The following LAMC2 variants were observed in gnomAD, a reference collection of about 807,000 sequenced individuals.
LAMC2 encodes laminin subunit gamma-2.
Under a neutral mutation model 140.2 loss-of-function variants are expected in LAMC2, and 97 were observed. The observed-to-expected ratio is 0.69, with a 90% CI of 0.59 to 0.82. The LOEUF (loss-of-function observed/expected upper bound fraction) is 0.82, where lower values mean the gene tolerates loss of function less well. Ranked by LOEUF, LAMC2 falls within the 40% of genes least tolerant of loss-of-function variation. LAMC2 has a pLI of 0.00. For missense variants in LAMC2, 1,402 were observed against 1,476.1 expected, an observed-to-expected ratio of 0.95 and a Z score of 0.82; for synonymous variants, 513 against 540.2, an observed-to-expected ratio of 0.95 and a Z score of 0.70.
chr1:183,238,357 A>G lies in LAMC2; in HGVS notation c.2805A>G (p.Gln935=), dbSNP rs1486963779. ...SRANLAKSRA[Q]EALSMGNATF... The stretch of plus-strand genomic sequence containing the variant: ...CCAATCTTGCTAAAAGCAGAGCACA[A>G]GAAGCACTGAGTATGGGCAATGCCA... Residue 935 remains glutamine, a synonymous_variant, in exon 19 of 23, where the codon CAA becomes CAG. Transcript: ENST00000264144. 38 of 1,614,170 alleles carry G rather than the reference A, an allele frequency of 2.4e-5. No individual in the cohort carries two copies. The highest frequency in any genetic ancestry group is 3.2e-5 in the Non-Finnish European group (38 of 1,180,000).
intron 7 of LAMC2, 106 bp from the exon 8 acceptor site, chr1:183,225,502 G>A (rs774018076): frequency 2.1e-4 from 167 of 813,732 alleles, no homozygotes; most frequent in Non-Finnish European, 3.3e-4. Flanking sequence ...TTCTAAGCAG[G>A]ACTGGGAAGG....
At position 183,232,426 on chromosome 1, in the gene LAMC2, A is replaced by G. The variant is rs146115840; in HGVS notation, c.2014+83A>G. On this transcript the variant is annotated intron_variant, in intron 13 of 22. Transcript: ENST00000264144. The stretch of plus-strand genomic sequence containing the variant: ...GCTACGTTAGGTCATAGAATCTTCT[A>G]TGGATATCAGTTCAGCAGTTATCTC... 814 of 1,482,528 alleles carry G rather than the reference A, an allele frequency of 5.5e-4. 6 individuals are homozygous for G. In the African/African-American group the frequency reaches 1.0e-2, roughly 18 times the overall value. 91.8% of individuals were successfully genotyped at this position (1,482,528 alleles called of 1,614,324 possible).
rs757829009 is a variant in LAMC2, at chr1:183,240,048, G to T, written c.3078G>T (p.Gly1026=). Residue 1026 remains glycine, a synonymous_variant, in exon 21 of 23, where the codon GGG becomes GGT. Coordinates refer to ENST00000264144, the MANE Select transcript of LAMC2 (RefSeq NM_005562.3). ...TCCTTTTCTTCTCTCAGGAGATTGG[G>T]AGTCTGAACTTGGAAGCCAATGTGA... ...EISSEIEQEI[G]SLNLEANVTA... The T allele has an allele frequency of 5.0e-5, 81 of 1,614,034 alleles. No homozygotes were observed. Among genetic ancestry groups the T allele is most frequent in the Non-Finnish European group, 6.4e-5 (76 of 1,180,030 alleles).
chr1:183,237,606 CG>C, intron 18 of LAMC2, 102 bp downstream of exon 18: 2 of 1,176,166 alleles, frequency 1.7e-6, no homozygotes, highest in Non-Finnish European at 2.5e-6. Context: ...TGACCAGGCA[CG>C]GTGACTTATC....
chr1:183,198,287 G>A (rs926526459), intron 1 of LAMC2, among the ~76,000 whole-genome samples: 39 of 151,920 alleles, frequency 2.6e-4, no homozygotes, highest in African/African-American at 8.9e-4. Flanking sequence ...AACTACAGGT[G>A]CCTGCCACCA....
chr1:183,229,045 C>T (rs1031728386), intron 11 of LAMC2, among the ~76,000 whole-genome samples: 1 of 152,148 alleles, frequency 6.6e-6, no homozygotes, highest in Non-Finnish European at 1.5e-5. Flanking sequence ...TTAAGAGACT[C>T]TCTCAGGAAG....
At chr1:183,220,303 C>T (rs573441227) in intron 4 of LAMC2, among the ~76,000 whole-genome samples, 1 of 152,040 alleles carries the variant, frequency 6.6e-6, no homozygotes, top group African/African-American at 2.4e-5. Flanking sequence ...CCTCACCTGC[C>T]CTTTTCCCCA....
At chr1:183,245,390 C>G (rs1660220687), downstream of LAMC2, among the ~76,000 whole-genome samples, 1 of 152,200 alleles carries the variant, frequency 6.6e-6, no homozygotes, top group Non-Finnish European at 1.5e-5. Flanking sequence ...GTAATCCTGT[C>G]TTGGCATACC....
chr1:183,232,384 T>G (rs755601000), intron 13 of LAMC2, 41 bp downstream of exon 13: 3 of 1,608,202 alleles, frequency 1.9e-6, no homozygotes, highest in Non-Finnish European at 8.5e-7. Context: ...AGAGAATTCA[T>G]AGTCCTAGAA....
intron 1 of LAMC2, among the ~76,000 whole-genome samples, chr1:183,191,772 C>G (rs1206845240): frequency 6.6e-6 from 1 of 151,894 alleles, no homozygotes; most frequent in Non-Finnish European, 1.5e-5. Flanking sequence ...GGCAGGGGGA[C>G]TGCTTGAACC....
Position 183,231,081 on chromosome 1 carries a change from G to T in LAMC2, c.1835G>T (p.Cys612Phe), listed in dbSNP as rs911481320. Residue 612 changes from cysteine to phenylalanine, a missense_variant, in exon 12 of 23, where the codon TGC (cysteine) becomes TTC (phenylalanine). Physicochemically the swap from Cys to Phe is radical, Grantham distance 205. Transcript: ENST00000264144. ...CATGGAGCATTCAGCTGTCCAGCTTGCTATAATCAAGTGAAGATTCAGGTA... is the reference window on the plus strand; with the variant it reads ...CATGGAGCATTCAGCTGTCCAGCTTTCTATAATCAAGTGAAGATTCAGGTA... ...CEHGAFSCPA[C>F]YNQVKIQMDQ... 6.2e-7 allele frequency: 1 copy of T among 1,614,020 alleles called. No homozygotes were observed. Among genetic ancestry groups the T allele is most frequent in the African/African-American group, 1.3e-5 (1 of 74,892 alleles).
intron 17 of LAMC2, 65 bp from the exon 18 acceptor site, chr1:183,237,287 C>G: frequency 6.3e-7 from 1 of 1,577,064 alleles, no homozygotes. Flanking sequence ...GTGCCAGGTC[C>G]TAACAAGGCT....
chr1:183,204,537 T>C (rs1373403559), intron 1 of LAMC2, among the ~76,000 whole-genome samples: 2 of 149,572 alleles, frequency 1.3e-5, no homozygotes, highest in Non-Finnish European at 1.5e-5. Context: ...GAGGCTGAGG[T>C]TGGAGAATCG....
At chr1:183,219,556 T>A (rs1483608127) in intron 4 of LAMC2, among the ~76,000 whole-genome samples, 2 of 152,166 alleles carry the variant, frequency 1.3e-5, no homozygotes, top group Non-Finnish European at 2.9e-5. Context: ...CCCAGTGTGT[T>A]CCTAAACACA....
At chr1:183,229,658 C>CAG (rs201214169) in intron 11 of LAMC2, among the ~76,000 whole-genome samples, 5,652 of 148,798 alleles carry the variant, frequency 0.038, 135 homozygotes, top group South Asian at 0.11. Context: ...AAAAAAAGTC[C>CAG]AGAGCCACTC....
chr1:183,188,656 G>A (rs1264690567), intron 1 of LAMC2, among the ~76,000 whole-genome samples: 1 of 152,208 alleles, frequency 6.6e-6, no homozygotes, highest in Non-Finnish European at 1.5e-5. Flanking sequence ...AAAATGCCTG[G>A]AACCACATTT....
At chr1:183,188,939 A>G (rs952755321) in intron 1 of LAMC2, among the ~76,000 whole-genome samples, 1 of 152,246 alleles carries the variant, frequency 6.6e-6, no homozygotes, top group Admixed American at 6.5e-5. Context: ...TAGGCAAAGA[A>G]GAGCTGTGAA....
Position 183,234,405 on chromosome 1 carries a change from C to T in LAMC2, c.2259C>T (p.Gly753=), listed in dbSNP as rs2102242931. 9.9e-6 allele frequency: 16 copies of T among 1,614,148 alleles called. No homozygotes were observed. The highest frequency in any genetic ancestry group is 1.4e-5 in the Non-Finnish European group (16 of 1,180,008). The change falls in exon 15 of 23, where the codon GGC becomes GGT. Residue 753 remains glycine, a synonymous_variant. Coordinates refer to ENST00000264144, the MANE Select transcript of LAMC2 (RefSeq NM_005562.3). ...CAGACCACTACGTGGGGCCAAATGG[C>T]TTTAAAAGTCTGGCTCAGGAGGCCA... ...PASDHYVGPN[G]FKSLAQEATR... is the part of the protein sequence containing the mutation.
intron 2 of LAMC2, among the ~76,000 whole-genome samples, chr1:183,215,098 A>G (rs535077357): frequency 6.6e-6 from 1 of 152,240 alleles, no homozygotes; most frequent in East Asian, 1.9e-4. Flanking sequence ...TTCAGATACA[A>G]ACTCTCTTCT....
Sources: allele counts gnomAD v4.1 joint callset (sites outside exome capture counted in the v4.1 genomes callset), GRCh38; gene constraint gnomAD v4.1.1; transcripts MANE v1.5; gene names NCBI Gene and HGNC (gene_info 2026-07-23, HGNC 2026-07-21).